TASP1: variants seen among roughly 807,000 people sequenced by gnomAD.
TASP1 encodes taspase 1, also known as threonine aspartase 1.
Under a neutral mutation model 56.6 loss-of-function variants are expected in TASP1, and 16 were observed. The ratio of observed to expected loss-of-function variants is 0.28; its 90% CI spans 0.19 to 0.43. TASP1 has a LOEUF of 0.43. Ranked by LOEUF, TASP1 falls within the 20% of genes least tolerant of loss-of-function variation. TASP1 has a pLI of 1.00. For synonymous variants in TASP1, 179 were observed against 184.2 expected, an observed-to-expected ratio of 0.97 and a Z score of 0.23; for missense variants, 393 against 511.6, an observed-to-expected ratio of 0.77 and a Z score of 2.24.
the TASP1 span, among the ~76,000 whole-genome samples, chr20:13,268,065 T>C: frequency 6.6e-6 from 1 of 151,858 alleles, no homozygotes; most frequent in African/African-American, 2.4e-5. Flanking sequence ...TGGGATGTCA[T>C]CGAGAAATCT....
At chr20:13,188,583 ATTG>A in the TASP1 span, among the ~76,000 whole-genome samples, 2 of 152,220 alleles carry the variant, frequency 1.3e-5, no homozygotes, top group African/African-American at 2.4e-5. Context: ...TTGAAAGATT[ATTG>A]TTGTTAAAAT....
At chr20:13,460,016 C>T (rs1012262956) in intron 11 of TASP1, among the ~76,000 whole-genome samples, 1 of 152,150 alleles carries the variant, frequency 6.6e-6, no homozygotes, top group East Asian at 1.9e-4. Context: ...ACCCCATTAT[C>T]TTCTTCAAGA....
chr20:13,580,956 G>A lies in TASP1; in HGVS notation c.429C>T (p.Ala143=), dbSNP rs1364182214. 6.2e-7 allele frequency: 1 copy of A among 1,610,142 alleles called. No homozygotes were observed. The highest frequency in any genetic ancestry group is 8.5e-7 in the Non-Finnish European group (1 of 1,178,736). The part of the protein sequence containing the change: ...LSGIKNPVSV[A]NRLLCEGQKG... Reference sequence around the variant, plus strand: ...TCTGCCCTTCACATAAGAGTCTGTTGGCAACCGAGACTGGGTTCTTGATTC... The same window carrying A: ...TCTGCCCTTCACATAAGAGTCTGTTAGCAACCGAGACTGGGTTCTTGATTC... Residue 143 remains alanine, a synonymous_variant, in exon 6 of 14, where the codon GCC becomes GCT. Coordinates refer to ENST00000337743, the MANE Select transcript of TASP1 (RefSeq NM_017714.3).
the TASP1 span, chr20:13,110,028 A>C: frequency 8.6e-7 from 1 of 1,163,766 alleles, no homozygotes; most frequent in Non-Finnish European, 1.2e-6. Flanking sequence ...CTGAGTGTGA[A>C]CATAAAACAT....
At chr20:13,281,138 T>A in the TASP1 span, among the ~76,000 whole-genome samples, 1 of 152,158 alleles carries the variant, frequency 6.6e-6, no homozygotes, top group Non-Finnish European at 1.5e-5. Context: ...TCAACCAACA[T>A]TTATTAAGAG....
chr20:13,625,366 C>T, intron 2 of TASP1, 114 bp from the exon 3 acceptor site: 2 of 738,636 alleles, frequency 2.7e-6, no homozygotes, highest in East Asian at 5.9e-5. Flanking sequence ...AAACTATTGC[C>T]CTAACTGTAT....
the TASP1 span, among the ~76,000 whole-genome samples, chr20:13,360,912 C>A: frequency 2.2e-4 from 34 of 152,296 alleles, no homozygotes; most frequent in South Asian, 6.8e-3. Context: ...GTTCCTCACC[C>A]AGATCACGCT....
chr20:13,212,688 C>T, the TASP1 span, among the ~76,000 whole-genome samples: 1 of 152,134 alleles, frequency 6.6e-6, no homozygotes, highest in African/African-American at 2.4e-5. Flanking sequence ...ATTTACTAAA[C>T]TACAATTTCA....
intron 4 of TASP1, among the ~76,000 whole-genome samples, chr20:13,594,453 C>T (rs1455806812): frequency 1.3e-5 from 2 of 152,132 alleles, no homozygotes; most frequent in Non-Finnish European, 2.9e-5. Context: ...TGTTCTAACA[C>T]ATCGCAAAAA....
At chr20:13,216,976 G>C in the TASP1 span, among the ~76,000 whole-genome samples, 1 of 152,140 alleles carries the variant, frequency 6.6e-6, no homozygotes, top group African/African-American at 2.4e-5. Context: ...AAGTGTACTA[G>C]AATGCCCAGG....
the TASP1 span, among the ~76,000 whole-genome samples, chr20:13,246,820 G>C: frequency 1.3e-5 from 2 of 151,784 alleles, no homozygotes; most frequent in African/African-American, 4.8e-5. Flanking sequence ...ACTGAACTTG[G>C]TTTTTAATAA....
chr20:13,632,247 C>A (rs1469282389), intron 1 of TASP1, among the ~76,000 whole-genome samples: 2 of 150,384 alleles, frequency 1.3e-5, no homozygotes, highest in Non-Finnish European at 3.0e-5. Context: ...GTAATCCCAG[C>A]TAGTCGAGAG....
chr20:13,134,511 A>G, the TASP1 span, among the ~76,000 whole-genome samples: 3 of 152,192 alleles, frequency 2.0e-5, no homozygotes, highest in African/African-American at 7.2e-5. Context: ...TTACAAGGTC[A>G]TCATACAGCA....
chr20:13,576,342 G>GAAGAAAGAA (rs2046914324), intron 6 of TASP1, among the ~76,000 whole-genome samples: 1 of 131,650 alleles, frequency 7.6e-6, no homozygotes. Context: ...AGAAAGAAAG[G>GAAGAAAGAA]AAGAAAGAAA....
At chr20:13,521,623 G>A (rs974909675) in intron 10 of TASP1, among the ~76,000 whole-genome samples, 1 of 148,132 alleles carries the variant, frequency 6.8e-6, no homozygotes, top group African/African-American at 2.5e-5. Context: ...CACACACCGG[G>A]GCTTGTTGTG....
At chr20:13,570,202 T>C (rs188332697) in intron 6 of TASP1, among the ~76,000 whole-genome samples, 1 of 152,228 alleles carries the variant, frequency 6.6e-6, no homozygotes, top group Admixed American at 6.5e-5. Context: ...AGGATATTGC[T>C]AGCTAAATAT....
intron 13 of TASP1, chr20:13,393,420 G>T: frequency 1.3e-6 from 1 of 768,660 alleles, no homozygotes; most frequent in South Asian, 1.4e-5. Flanking sequence ...CTACCGTCTG[G>T]AGAAACCTGC....
At chr20:13,361,529 T>C in the TASP1 span, among the ~76,000 whole-genome samples, 2 of 152,150 alleles carry the variant, frequency 1.3e-5, no homozygotes, top group African/African-American at 4.8e-5. Flanking sequence ...TGGACAATAC[T>C]TTTACCACTT....
At chr20:13,341,532 G>A in the TASP1 span, among the ~76,000 whole-genome samples, 1 of 152,016 alleles carries the variant, frequency 6.6e-6, no homozygotes, top group African/African-American at 2.4e-5. Context: ...GAGAAAACGT[G>A]AGCTTGAAAA....
Sources: allele counts gnomAD v4.1 joint callset (sites outside exome capture counted in the v4.1 genomes callset), GRCh38; gene constraint gnomAD v4.1.1; transcripts MANE v1.5; gene names NCBI Gene and HGNC (gene_info 2026-07-23, HGNC 2026-07-21).